The following FBH1 variants were observed in gnomAD, a reference collection of about 807,000 sequenced individuals.
The protein encoded by FBH1 is DNA 3'-5' helicase 1.
FBH1 carries 43 observed loss-of-function variants against 115.5 expected under a neutral mutation model. The ratio of observed to expected loss-of-function variants is 0.37; its 90% CI spans 0.29 to 0.48. FBH1 has a LOEUF of 0.48. Ranked by LOEUF, FBH1 falls within the 20% of genes least tolerant of loss-of-function variation. The pLI is 0.99. For missense variants in FBH1, 1,001 were observed against 1,337.3 expected, an observed-to-expected ratio of 0.75 and a Z score of 3.92; for synonymous variants, 524 against 507.8, an observed-to-expected ratio of 1.03 and a Z score of -0.43.
chr10:5,934,872 G>C (rs1248155782), intron 19 of FBH1: 1 of 152,290 alleles, frequency 6.6e-6, no homozygotes, highest in Non-Finnish European at 1.5e-5. Flanking sequence ...GGTAGAGACA[G>C]GGTTTCGCCA....
At chr10:5,928,938 C>T (rs1832811833) in intron 19 of FBH1, among the ~76,000 whole-genome samples, 1 of 152,168 alleles carries the variant, frequency 6.6e-6, no homozygotes, top group Non-Finnish European at 1.5e-5. Flanking sequence ...TGCCATATTG[C>T]CTACTCTCGT....
chr10:5,935,203 G>A lies in FBH1; in HGVS notation c.2830-1253G>A, dbSNP rs1171668009. ...GAGCCTAGCCCTGGAGAAACTTCTG[G>A]AGTGGACAGGGAGTCAGGTACAGGA... On this transcript the variant is annotated intron_variant, in intron 19 of 20. Transcript: ENST00000362091. The surrounding 1 kb of genome is among the most constrained non-coding windows in gnomAD (Gnocchi z 5.2). 2 of 152,208 alleles carry A rather than the reference G, an allele frequency of 1.3e-5. No homozygotes were observed. Among genetic ancestry groups the A allele is most frequent in the Admixed American group, 6.5e-5 (1 of 15,280 alleles). 9.4% of individuals were successfully genotyped at this position (152,208 alleles called of 1,614,324 possible).
At position 5,906,296 on chromosome 10, in the gene FBH1, G is replaced by T. The variant is rs1458774308; in HGVS notation, c.417G>T (p.Arg139=). 1 of 1,614,250 alleles carries T rather than the reference G, an allele frequency of 6.2e-7. No individual in the cohort carries two copies. Among genetic ancestry groups the T allele is most frequent in the South Asian group, 1.1e-5 (1 of 91,092 alleles). The change falls in exon 3 of 21, where the codon CGG becomes CGT. Residue 139 remains arginine, a synonymous_variant. Transcript: ENST00000362091. This position sits in a 1 kb window ranked among gnomAD's most constrained non-coding sequence, Gnocchi z 7.3. ...GTAACCAGGCTACCGGGACCAGCCG[G>T]TGGGATGGAGTTTCTAAGAAAGCTC... ...EESNQATGTS[R]WDGVSKKAPR...
Position 5,913,835 on chromosome 10 carries a change from C to T in FBH1, c.1300C>T (p.Pro434Ser), listed in dbSNP as rs755762667. Reference protein sequence around the residue: ...TKVKEEPSVWPGKKTIQLTHE... With the variant: ...TKVKEEPSVWSGKKTIQLTHE... Reference sequence around the variant, plus strand: ...AGTTAAAGAGGAGCCATCTGTCTGGCCAGGGTATGTGTATATGTGCGTCAG... The same window carrying T: ...AGTTAAAGAGGAGCCATCTGTCTGGTCAGGGTATGTGTATATGTGCGTCAG... The change falls in exon 7 of 21, where the codon CCA becomes TCA. Residue 434 changes from proline to serine, a missense_variant. By Grantham distance (74) the Pro-to-Ser change is moderately conservative. Coordinates refer to ENST00000362091, the MANE Select transcript of FBH1 (RefSeq NM_178150.3). This position sits in a 1 kb window ranked among gnomAD's most constrained non-coding sequence, Gnocchi z 4.4. The T allele has an allele frequency of 4.4e-6, 7 of 1,598,296 alleles. No individual in the cohort carries two copies. In the East Asian group the frequency reaches 9.0e-5, roughly 20 times the overall value.
Position 5,906,530 on chromosome 10 carries a change from T to A in FBH1, c.651T>A (p.Ser217Arg). 1 of 1,614,080 alleles carries A rather than the reference T, an allele frequency of 6.2e-7. No individual in the cohort carries two copies. The highest frequency in any genetic ancestry group is 8.5e-7 in the Non-Finnish European group (1 of 1,179,996). The change falls in exon 3 of 21, where the codon AGT becomes AGA. Residue 217 changes from serine (S) to arginine (R), a missense_variant. Transcript: ENST00000362091. The surrounding 1 kb of genome is among the most constrained non-coding windows in gnomAD (Gnocchi z 7.3). ...TGAGCCACATTTGCAGCCTGCCTAG[T>A]GAGGTCCTGAGGCACGTGTTTGCCT... ...EALSHICSLPSEVLRHVFAFL... is the reference protein window; with the variant it reads ...EALSHICSLPREVLRHVFAFL...
Position 5,925,302 on chromosome 10 carries a change from G to C in FBH1, c.2597-65G>C. Reference sequence around the variant, plus strand: ...TCAGAGTCAAGTGGGAAACATGTATGTTTTTGTCATCTTGTTTCTTTCCCT... The same window carrying C: ...TCAGAGTCAAGTGGGAAACATGTATCTTTTTGTCATCTTGTTTCTTTCCCT... On this transcript the variant is annotated intron_variant, in intron 17 of 20. Coordinates refer to ENST00000362091, the MANE Select transcript of FBH1 (RefSeq NM_178150.3). The surrounding 1 kb of genome is among the most constrained non-coding windows in gnomAD (Gnocchi z 4.6). 4 of 1,583,912 alleles carry C rather than the reference G, an allele frequency of 2.5e-6. No homozygotes were observed. The highest frequency in any genetic ancestry group is 3.4e-6 in the Non-Finnish European group (4 of 1,161,556).
intron 13 of FBH1, among the ~76,000 whole-genome samples, chr10:5,920,999 A>C (rs1435053650): frequency 1.3e-5 from 2 of 152,240 alleles, no homozygotes; most frequent in Admixed American, 1.3e-4. Flanking sequence ...TGTATGATTT[A>C]GACTTCACTA....
chr10:5,908,654 T>C (rs1271956375), intron 3 of FBH1, among the ~76,000 whole-genome samples: 3 of 151,928 alleles, frequency 2.0e-5, no homozygotes, highest in Non-Finnish European at 2.9e-5. Flanking sequence ...CAGGCTAGCG[T>C]GCACTGCAGT....
rs1461001869 is a variant in FBH1 at position 5,933,249 on chromosome 10, G to A, written c.2830-3207G>A. ...CTAAAAATACAAAAATTAGCTGGGT[G>A]TAGTGGCGTATGCCTGTAATCCCAG... On this transcript the variant is annotated intron_variant, in intron 19 of 20. Transcript: ENST00000362091. The surrounding 1 kb of genome is among the most constrained non-coding windows in gnomAD (Gnocchi z 4.9). Among the ~76,000 whole-genome samples, 6 of 152,162 alleles carry A rather than the reference G, an allele frequency of 3.9e-5. No homozygotes were observed. The highest frequency in any genetic ancestry group is 1.4e-4 in the African/African-American group (6 of 41,456).
upstream of FBH1, chr10:5,890,181 C>A (rs1002142453): frequency 3.0e-6 from 1 of 334,270 alleles, no homozygotes; most frequent in African/African-American, 2.2e-5. Flanking sequence ...GCGGCGGGCG[C>A]TTCCCGGGGC....
Position 5,894,184 on chromosome 10 carries a change from T to A in FBH1, c.1+3838T>A, listed in dbSNP as rs868264643. The stretch of plus-strand genomic sequence containing the variant: ...CCTGGGAAAGGAGCTGGAGCTCTAT[T>A]TTGCTTGCTTTCTGCATTCGTTTCT... On this transcript the variant is annotated intron_variant, in intron 1 of 20. Transcript: ENST00000362091. 1.7e-5 allele frequency: 17 copies of A among 985,442 alleles called. No homozygotes were observed. The South Asian group carries it at 5.6e-4, about 33-fold the overall frequency. 61.0% of individuals were successfully genotyped at this position (985,442 alleles called of 1,614,324 possible). A position where few individuals can be genotyped will look rare whatever the true frequency, so the allele number is the denominator to read the frequency against.
rs1381373117 is a variant in FBH1, at chr10:5,895,260, T to G, written c.1+4914T>G. 1 of 1,499,502 alleles carries G rather than the reference T, an allele frequency of 6.7e-7. No homozygotes were observed. Among genetic ancestry groups the G allele is most frequent in the East Asian group, 2.4e-5 (1 of 42,044 alleles). The allele number at this position is 1,499,502 out of a possible 1,614,324, so 92.9% of individuals were successfully genotyped here. On this transcript the variant is annotated intron_variant, in intron 1 of 20. Transcript: ENST00000362091. The surrounding 1 kb of genome is among the most constrained non-coding windows in gnomAD (Gnocchi z 5.0). ...ATTGTCCAGATTAGCAAAACTGCCC[T>G]CTGTGGATCTTTGTTAAAGTTGGGT...
rs1005489756 is a variant in FBH1 at position 5,895,886 on chromosome 10, C to T, written c.1+5540C>T. 7.9e-5 allele frequency among the ~76,000 whole-genome samples: 12 copies of T among 152,298 alleles called. No individual in the cohort carries two copies. The highest frequency in any genetic ancestry group is 2.2e-4 in the African/African-American group (9 of 41,566). On this transcript the variant is annotated intron_variant, in intron 1 of 20. Coordinates refer to ENST00000362091, the MANE Select transcript of FBH1 (RefSeq NM_178150.3). The surrounding 1 kb of genome is among the most constrained non-coding windows in gnomAD (Gnocchi z 5.0). Reference sequence around the variant, plus strand: ...AGCGGTAAGGCGACATCCACCTGCACGCAGGACTGGGAAGTATAGCCCAGC... The same window carrying T: ...AGCGGTAAGGCGACATCCACCTGCATGCAGGACTGGGAAGTATAGCCCAGC...
At position 5,923,934 on chromosome 10, in the gene FBH1, A is replaced by T. The variant is rs73616470; in HGVS notation, c.2398+238A>T. 4.2e-3 allele frequency: 2,437 copies of T among 575,040 alleles called. 46 individuals carry two copies. The highest frequency in any genetic ancestry group is 0.041 in the African/African-American group (2,211 of 53,510). The allele number at this position is 575,040 out of a possible 1,614,324, so 35.6% of individuals were successfully genotyped here. A position where few individuals can be genotyped will look rare whatever the true frequency, so the allele number is the denominator to read the frequency against. On this transcript the variant is annotated intron_variant, in intron 16 of 20. Coordinates refer to ENST00000362091, the MANE Select transcript of FBH1 (RefSeq NM_178150.3). This position sits in a 1 kb window ranked among gnomAD's most constrained non-coding sequence, Gnocchi z 5.7. ...TCTCTTTCCAACACTGGTCCCATAG[A>T]CTGTCTTCCCCTGCATCCTTCTGTC...
At position 5,909,096 on chromosome 10, in the gene FBH1, C is replaced by CT. The variant is rs1397444179; in HGVS notation, c.884+43dup. 4 of 1,613,772 alleles carry CT rather than the reference C, an allele frequency of 2.5e-6. No homozygotes were observed. In the Admixed American group the frequency reaches 6.7e-5, roughly 27 times the overall value. ...GCTGTAAAGAAGGCGTCTTTGAAGT[C>CT]TTCCTTGTACATCAGTGCTTATGGT... On this transcript the variant is annotated intron_variant, in intron 4 of 20. Transcript: ENST00000362091. The surrounding 1 kb of genome is among the most constrained non-coding windows in gnomAD (Gnocchi z 4.4).
In FBH1 at chr10:5,931,041, G is replaced by C. The variant is rs1023773256; in HGVS notation, c.2829+3500G>C. 1.3e-5 allele frequency among the ~76,000 whole-genome samples: 2 copies of C among 152,152 alleles called. No homozygotes were observed. The highest frequency in any genetic ancestry group is 4.8e-5 in the African/African-American group (2 of 41,414). ...GCCTCCCAAAGTTCTGGGATTATAGGTGTGACACCAGGCAAATTTCAACAT... is the reference window on the plus strand; with the variant it reads ...GCCTCCCAAAGTTCTGGGATTATAGCTGTGACACCAGGCAAATTTCAACAT... On this transcript the variant is annotated intron_variant, in intron 19 of 20. Transcript: ENST00000362091. This position sits in a 1 kb window ranked among gnomAD's most constrained non-coding sequence, Gnocchi z 4.3.
chr10:5,903,141 C>A lies in FBH1; in HGVS notation c.123C>A (p.Leu41=), dbSNP rs767380312. Residue 41 remains leucine, a synonymous_variant, in exon 2 of 21, where the codon CTC becomes CTA. Transcript: ENST00000362091. ...RWTNRDPNHG[L]YPKPRTKRGS... ...CAAACAGAGATCCGAACCATGGTCT[C>A]TATCCTAAACCGAGAACAAAAAGAG... The A allele has an allele frequency of 2.0e-4, 325 of 1,612,926 alleles. 1 individual carries two copies. Among genetic ancestry groups the A allele is most frequent in the Non-Finnish European group, 8.5e-6 (10 of 1,179,506 alleles).
At position 5,925,506 on chromosome 10, in the gene FBH1, G is replaced by A. The variant is rs772652707; in HGVS notation, c.2722+14G>A. 37 of 1,613,032 alleles carry A rather than the reference G, an allele frequency of 2.3e-5. No individual in the cohort carries two copies. The Admixed American group carries it at 5.3e-4, about 23-fold the overall frequency. ...ACTTCAGAGTTGGTAAGAGGCCGCCGGGTAGTGTCAGGTGCTGCTGTATGT... is the reference window on the plus strand; with the variant it reads ...ACTTCAGAGTTGGTAAGAGGCCGCCAGGTAGTGTCAGGTGCTGCTGTATGT... On this transcript the variant is annotated intron_variant, in intron 18 of 20. Coordinates refer to ENST00000362091, the MANE Select transcript of FBH1 (RefSeq NM_178150.3). The surrounding 1 kb of genome is among the most constrained non-coding windows in gnomAD (Gnocchi z 4.6).
Position 5,895,023 on chromosome 10 carries a change from A to G in FBH1, c.1+4677A>G. On this transcript the variant is annotated intron_variant, in intron 1 of 20. Transcript: ENST00000362091. The surrounding 1 kb of genome is among the most constrained non-coding windows in gnomAD (Gnocchi z 5.0). ...GCTGGAGTTGAGAGATAACACAGTTAACTGTTGAAATTGGGCCATTCCCGT... is the reference window on the plus strand; with the variant it reads ...GCTGGAGTTGAGAGATAACACAGTTGACTGTTGAAATTGGGCCATTCCCGT... 1.9e-6 allele frequency: 3 copies of G among 1,601,462 alleles called. No homozygotes were observed. The highest frequency in any genetic ancestry group is 8.5e-7 in the Non-Finnish European group (1 of 1,171,640).
Sources: gnomAD v4.1 joint callset for allele counts (sites outside exome capture counted in the v4.1 genomes callset) on GRCh38, gnomAD v4.1.1 for gene constraint, Gnocchi (gnomAD v3.1) non-coding constraint, MANE v1.5 for transcripts, NCBI Gene and HGNC (gene_info 2026-07-23, HGNC 2026-07-21) for gene names.